Variants in MOSMO observed in about 807,000 individuals in gnomAD.
MOSMO encodes the protein modulator of smoothened.
Under a neutral mutation model 18.4 loss-of-function variants are expected in MOSMO, and 5 were observed. The ratio of observed to expected loss-of-function variants is 0.27; its 90% CI spans 0.14 to 0.57. The LOEUF is 0.57. MOSMO is among the 20% of genes least tolerant of loss of function. The pLI is 0.92. For synonymous variants in MOSMO, 82 were observed against 82.3 expected, an observed-to-expected ratio of 1.00 and a Z score of 0.02; for missense variants, 138 against 211.8, an observed-to-expected ratio of 0.65 and a Z score of 2.16.
At chr16:22,056,567 A>G (rs1204942913) in intron 1 of MOSMO, among the ~76,000 whole-genome samples, 1 of 150,470 alleles carries the variant, frequency 6.6e-6, no homozygotes, top group Non-Finnish European at 1.5e-5. Flanking sequence ...TTTTTTTGGT[A>G]GAGACGGGGT....
intron 1 of MOSMO, among the ~76,000 whole-genome samples, chr16:22,028,173 C>A (rs1243840806): frequency 6.6e-6 from 1 of 152,050 alleles, no homozygotes; most frequent in Non-Finnish European, 1.5e-5. Flanking sequence ...TTCAAGTTTT[C>A]AGAATATAAT....
In MOSMO at chr16:22,081,064, T is replaced by TGA. The variant is rs1901069589; in HGVS notation, c.*184_*185insGA. ...TTGTTCTCACTATGCACTTTGGATT[T>TGA]AAAAAAAAAAAAAAAAAGGAGAGCC... On this transcript the variant is annotated 3_prime_UTR_variant, in exon 3 of 3. Coordinates refer to ENST00000542527, the MANE Select transcript of MOSMO (RefSeq NM_001164579.2). 5.8e-6 allele frequency: 1 copy of TGA among 173,336 alleles called. No homozygotes were observed. The highest frequency in any genetic ancestry group is 1.1e-5 in the Non-Finnish European group (1 of 87,230). The allele number at this position is 173,336 out of a possible 1,614,324, so 10.7% of individuals were successfully genotyped here.
At chr16:22,074,268 C>A (rs1900918762) in intron 1 of MOSMO, among the ~76,000 whole-genome samples, 1 of 151,848 alleles carries the variant, frequency 6.6e-6, no homozygotes, top group Non-Finnish European at 1.5e-5. Context: ...TTTTTGTGTT[C>A]ATATTGAGAA....
intron 1 of MOSMO, among the ~76,000 whole-genome samples, chr16:22,027,813 T>C (rs1309252973): frequency 6.6e-6 from 1 of 152,198 alleles, no homozygotes; most frequent in African/African-American, 2.4e-5. Flanking sequence ...CTCATTCGTT[T>C]CCTGCCCCTA....
At chr16:22,038,063 G>T (rs1219725222) in intron 1 of MOSMO, among the ~76,000 whole-genome samples, 1 of 152,172 alleles carries the variant, frequency 6.6e-6, no homozygotes, top group Non-Finnish European at 1.5e-5. Context: ...AAGCTACATA[G>T]GGGCTGCCAG....
chr16:22,013,968 G>A (rs1714020678), intron 1 of MOSMO, among the ~76,000 whole-genome samples: 1 of 151,986 alleles, frequency 6.6e-6, no homozygotes, highest in Non-Finnish European at 1.5e-5. Context: ...AGGTATTTAG[G>A]GGCTAAAATA....
intron 1 of MOSMO, among the ~76,000 whole-genome samples, chr16:22,035,710 A>G (rs897554322): frequency 6.6e-6 from 1 of 152,112 alleles, no homozygotes; most frequent in East Asian, 1.9e-4. Context: ...ATTTAAGAAG[A>G]GTTGTTTATA....
Position 22,082,955 on chromosome 16 carries a change from G to A in MOSMO, c.*2075G>A, listed in dbSNP as rs946128660. ...CAAGTCTAAGAATACCACTGGACAT[G>A]TTCTATGGACATTTGGGATTGCAGT... On this transcript the variant is annotated 3_prime_UTR_variant, in exon 3 of 3. Transcript: ENST00000542527. 6.6e-6 allele frequency: 1 copy of A among 152,288 alleles called. No individual in the cohort carries two copies. The highest frequency in any genetic ancestry group is 3.4e-3 in the Middle Eastern group (1 of 294). 9.4% of individuals were successfully genotyped at this position (152,288 alleles called of 1,614,324 possible). A position where few individuals can be genotyped will look rare whatever the true frequency, so the allele number is the denominator to read the frequency against.
chr16:22,090,391 ATC>A (rs1177758255), downstream of MOSMO: 7 of 152,152 alleles, frequency 4.6e-5, no homozygotes, highest in Non-Finnish European at 5.9e-5. Context: ...TTGGGTTTCT[ATC>A]TCTTTTAACT....
chr16:22,021,009 G>C (rs1899750566), intron 1 of MOSMO, among the ~76,000 whole-genome samples: 1 of 151,402 alleles, frequency 6.6e-6, no homozygotes, highest in Non-Finnish European at 1.5e-5. Flanking sequence ...AGCTGAGGAA[G>C]ATACGTATGA....
chr16:22,032,398 G>T (rs1598004377), intron 1 of MOSMO, among the ~76,000 whole-genome samples: 1 of 152,084 alleles, frequency 6.6e-6, no homozygotes, highest in East Asian at 1.9e-4. Flanking sequence ...TGCCATGTTG[G>T]CCAGGCTGGT....
chr16:22,043,704 G>C (rs1419539647), intron 1 of MOSMO, among the ~76,000 whole-genome samples: 1 of 152,118 alleles, frequency 6.6e-6, no homozygotes, highest in Non-Finnish European at 1.5e-5. Context: ...GTTACTTTTA[G>C]ATCTTAGGTA....
chr16:22,039,109 C>G (rs892356410), intron 1 of MOSMO, among the ~76,000 whole-genome samples: 3 of 152,150 alleles, frequency 2.0e-5, no homozygotes, highest in Non-Finnish European at 4.4e-5. Flanking sequence ...TCAACCTTCT[C>G]TAAGCTTCAG....
downstream of MOSMO, chr16:22,087,128 G>A (rs1435004818): frequency 6.6e-6 from 1 of 152,138 alleles, no homozygotes; most frequent in Admixed American, 6.5e-5. Context: ...GTACAGAGAG[G>A]ACCAGGACGA....
At chr16:22,048,594 G>C (rs997431579) in intron 1 of MOSMO, among the ~76,000 whole-genome samples, 1 of 151,952 alleles carries the variant, frequency 6.6e-6, no homozygotes, top group Non-Finnish European at 1.5e-5. Flanking sequence ...ATCTTTTGAG[G>C]TTTTAAATTT....
chr16:22,012,562 T>A (rs1260405863), intron 1 of MOSMO, among the ~76,000 whole-genome samples: 1 of 152,138 alleles, frequency 6.6e-6, no homozygotes, highest in Non-Finnish European at 1.5e-5. Flanking sequence ...CTCTATTAGA[T>A]GTTCTAGGAA....
At chr16:22,036,473 G>A (rs1900111485) in intron 1 of MOSMO, among the ~76,000 whole-genome samples, 1 of 151,848 alleles carries the variant, frequency 6.6e-6, no homozygotes. Flanking sequence ...TTAGAGGCAG[G>A]GTCCTGCTCT....
chr16:22,025,467 GT>G (rs1417405935), intron 1 of MOSMO, among the ~76,000 whole-genome samples: 1 of 152,164 alleles, frequency 6.6e-6, no homozygotes, highest in Non-Finnish European at 1.5e-5. Context: ...TGGCCACAGT[GT>G]TTACCTCATA....
In MOSMO at chr16:22,014,712, G is replaced by A. The variant is rs139771662; in HGVS notation, c.106+6305G>A. Among the ~76,000 whole-genome samples, 725 of 152,192 alleles carry A rather than the reference G, an allele frequency of 4.8e-3. 7 individuals are homozygous for A. The highest frequency in any genetic ancestry group is 0.016 in the African/African-American group (676 of 41,506). On this transcript the variant is annotated intron_variant, in intron 1 of 2. Coordinates refer to ENST00000542527, the MANE Select transcript of MOSMO (RefSeq NM_001164579.2). ...CTGTAACAACTTCAAAGGTCACAAAGGTACTTTGACATGAAAGAACTCTGT... is the reference window on the plus strand; with the variant it reads ...CTGTAACAACTTCAAAGGTCACAAAAGTACTTTGACATGAAAGAACTCTGT...
Sources: allele counts gnomAD v4.1 joint callset (sites outside exome capture counted in the v4.1 genomes callset), GRCh38; gene constraint gnomAD v4.1.1; transcripts MANE v1.5; gene names NCBI Gene and HGNC (gene_info 2026-07-23, HGNC 2026-07-21).